MRPS35: variants seen among roughly 807,000 people sequenced by gnomAD.
The protein encoded by MRPS35 is mitochondrial ribosomal protein S35.
A neutral mutation model predicts 32.7 loss-of-function variants in MRPS35; 29 were observed. The ratio of observed to expected loss-of-function variants is 0.89; its 90% confidence interval spans 0.66 to 1.21. The LOEUF is 1.21. Among genes scored for constraint, MRPS35 ranks in the 50% most tolerant of loss-of-function variants. The probability of loss-of-function intolerance (pLI) is 0.00; values close to 1 mark genes in which losing one functional copy is unlikely to be tolerated. For missense variants in MRPS35, 373 were observed against 383.8 expected (o/e 0.97, Z 0.23); for synonymous variants, 148 against 139.3 (o/e 1.06, Z -0.44).
chr12:27,741,346 T>C (rs2061964218), intron 7 of MRPS35, among the ~76,000 whole-genome samples: 3 of 152,128 alleles, frequency 2.0e-5, no homozygotes, highest in African/African-American at 7.2e-5. Flanking sequence ...CCTCGACTAT[T>C]TAACCTCTGA....
chr12:27,751,122 AAAAAG>A (rs1565472347), intron 7 of MRPS35, among the ~76,000 whole-genome samples: 14 of 148,458 alleles, frequency 9.4e-5, no homozygotes, highest in Admixed American at 2.0e-4. Context: ...AAAAAAAAAA[AAAAAG>A]AAAAGAAAAG....
intron 1 of MRPS35, among the ~76,000 whole-genome samples, chr12:27,712,825 TG>T (rs1168541397): frequency 6.6e-6 from 1 of 152,170 alleles, no homozygotes; most frequent in Admixed American, 6.5e-5. Flanking sequence ...GAGACCAGCC[TG>T]GGCAACATGG....
intron 7 of MRPS35, among the ~76,000 whole-genome samples, chr12:27,745,065 C>G (rs1193888469): frequency 6.6e-6 from 1 of 152,172 alleles, no homozygotes; most frequent in East Asian, 1.9e-4. Flanking sequence ...AAGTGATCCT[C>G]CCGCCTCAGC....
At chr12:27,717,164 G>A (rs887738165) in intron 3 of MRPS35, among the ~76,000 whole-genome samples, 1 of 151,810 alleles carries the variant, frequency 6.6e-6, no homozygotes, top group Non-Finnish European at 1.5e-5. Flanking sequence ...TTACAGGTGT[G>A]AGCCACCACA....
At chr12:27,722,018 G>A (rs765854859) in intron 4 of MRPS35, among the ~76,000 whole-genome samples, 3 of 151,840 alleles carry the variant, frequency 2.0e-5, no homozygotes, top group Non-Finnish European at 4.4e-5. Flanking sequence ...AGACCCTGTC[G>A]CAAAAAAACA....
intron 5 of MRPS35, among the ~76,000 whole-genome samples, chr12:27,733,499 A>G (rs555126823): frequency 6.6e-6 from 1 of 152,288 alleles, no homozygotes; most frequent in East Asian, 1.9e-4. Context: ...TTATGATTTC[A>G]TTGAAGGGAG....
chr12:27,719,614 C>T (rs1366682120), intron 3 of MRPS35, among the ~76,000 whole-genome samples, 194 bp from the exon 4 acceptor site: 4 of 148,886 alleles, frequency 2.7e-5, no homozygotes, highest in Non-Finnish European at 5.9e-5. Context: ...TGCAGTGAGC[C>T]GAGATTGCGC....
At chr12:27,735,604 G>A in intron 6 of MRPS35, 48 bp downstream of exon 6, 1 of 1,351,066 alleles carries the variant, frequency 7.4e-7, no homozygotes, top group East Asian at 2.3e-5. Context: ...TTTCCTCATT[G>A]TCCTCCAATT....
intron 7 of MRPS35, among the ~76,000 whole-genome samples, chr12:27,744,598 G>C (rs1462451664): frequency 6.6e-6 from 1 of 152,104 alleles, no homozygotes; most frequent in Non-Finnish European, 1.5e-5. Flanking sequence ...GCTCTTCCTG[G>C]CAAGACGCAT....
intron 7 of MRPS35, among the ~76,000 whole-genome samples, chr12:27,748,438 G>GGTGTGTGTGTGTGTGTGTGT (rs35760106): frequency 1.4e-5 from 2 of 145,972 alleles, no homozygotes; most frequent in Non-Finnish European, 3.0e-5. Flanking sequence ...AAAGAAAAGT[G>GGTGTGTGTGTGTGTGTGTGT]GTGTGTGTGT....
chr12:27,731,552 A>T (rs557266346), intron 5 of MRPS35, among the ~76,000 whole-genome samples: 1 of 152,046 alleles, frequency 6.6e-6, no homozygotes, highest in Admixed American at 6.6e-5. Context: ...GGCTGTACCA[A>T]TTTTTTTCTT....
At chr12:27,715,692 C>T (rs539019434) in intron 2 of MRPS35, among the ~76,000 whole-genome samples, 6 of 152,268 alleles carry the variant, frequency 3.9e-5, no homozygotes, top group African/African-American at 1.2e-4. Context: ...ATTGCGTAGG[C>T]GGGGCATGGC....
At chr12:27,712,702 A>G (rs1369900358) in intron 1 of MRPS35, among the ~76,000 whole-genome samples, 1 of 152,200 alleles carries the variant, frequency 6.6e-6, no homozygotes, top group East Asian at 1.9e-4. Context: ...AATTGGGAAG[A>G]CTGGAAGAAG....
At chr12:27,725,798 C>CTTTTTT (rs1176188580) in intron 5 of MRPS35, 25 of 68,262 alleles carry the variant, frequency 3.7e-4, no homozygotes, top group Admixed American at 6.8e-4. Flanking sequence ...CCTTGTATAC[C>CTTTTTT]TTTTTTTTTT....
rs550170047 is a variant in MRPS35 at position 27,727,163 on chromosome 12, G to A, written c.522+2977G>A. On this transcript the variant is annotated intron_variant, in intron 5 of 7. Transcript: ENST00000081029. ...TTTTAGTAGAGATGGGGTTTTCACC[G>A]TGTTAGCCAGGATGGTCTCGATCTC... Among the ~76,000 whole-genome samples, 65 of 151,974 alleles carry A rather than the reference G, an allele frequency of 4.3e-4. 1 individual carries two copies. Among genetic ancestry groups the A allele is most frequent in the Non-Finnish European group, 5.6e-4 (38 of 67,972 alleles).
chr12:27,749,499 A>T (rs1591803826), intron 7 of MRPS35, among the ~76,000 whole-genome samples: 1 of 152,324 alleles, frequency 6.6e-6, no homozygotes, highest in East Asian at 1.9e-4. Context: ...ATATCACTAT[A>T]TGATTTTGTG....
rs1260929524 is a variant in MRPS35 at position 27,710,869 on chromosome 12, G to A, written c.26G>A (p.Trp9Ter). The A allele has an allele frequency of 3.7e-6, 6 of 1,610,336 alleles. No homozygotes were observed. The Admixed American group carries it at 5.0e-5, about 13-fold the overall frequency. The change falls in exon 1 of 8, where the codon TGG becomes TAG. Residue 9 changes from tryptophan to a stop codon, truncating the protein, a stop_gained. Transcript: ENST00000081029. LOFTEE classifies it high-confidence loss of function. ...ATGGCGGCCGCCGCGCTCCCAGCATGGCTGTCTCTGCAGTCGAGGGCAAGG... is the reference window on the plus strand; with the variant it reads ...ATGGCGGCCGCCGCGCTCCCAGCATAGCTGTCTCTGCAGTCGAGGGCAAGG... MAAAALPA[W>*]LSLQSRARTL...
chr12:27,713,404 T>TGTCA (rs1255508904), intron 1 of MRPS35, among the ~76,000 whole-genome samples: 2 of 152,170 alleles, frequency 1.3e-5, no homozygotes, highest in Non-Finnish European at 2.9e-5. Flanking sequence ...TGGAAGCCCA[T>TGTCA]GTCAGTCCAA....
At chr12:27,714,685 A>C (rs1216453056) in intron 1 of MRPS35, 95 bp from the exon 2 acceptor site, 1 of 958,356 alleles carries the variant, frequency 1.0e-6, no homozygotes, top group East Asian at 2.6e-5. Flanking sequence ...AAATACCTTA[A>C]ATTGTGTTAG....
Sources: gnomAD v4.1 joint callset for allele counts (sites outside exome capture counted in the v4.1 genomes callset) on GRCh38, gnomAD v4.1.1 for gene constraint, MANE v1.5 for transcripts, NCBI Gene and HGNC (gene_info 2026-07-23, HGNC 2026-07-21) for gene names.